Variants in GSE1 observed in about 807,000 individuals in gnomAD.
The protein encoded by GSE1 is genetic suppressor element 1.
A neutral mutation model predicts 112.6 loss-of-function variants in GSE1; 32 were observed. That is an observed-to-expected ratio of 0.28 (90% confidence interval 0.21 to 0.38). The LOEUF (loss-of-function observed/expected upper bound fraction) is 0.38, where lower values mean the gene tolerates loss of function less well. Among genes scored for constraint, GSE1 ranks in the 10% least tolerant of loss-of-function variants. The pLI, the probability that GSE1 is intolerant of heterozygous loss-of-function variation, is 1.00. For synonymous variants in GSE1, 1,115 were observed against 735.6 expected, an observed-to-expected ratio of 1.52 and a Z score of -8.35; for missense variants, 2,348 against 1,699.2, an observed-to-expected ratio of 1.38 and a Z score of -6.71.
At chr16:85,263,148 G>A (rs895100002) in intron 1 of GSE1, among the ~76,000 whole-genome samples, 8 of 152,194 alleles carry the variant, frequency 5.3e-5, no homozygotes, top group South Asian at 2.1e-4. Flanking sequence ...TGGAGAGTGC[G>A]GGAGGGAAGA....
intron 1 of GSE1, among the ~76,000 whole-genome samples, chr16:85,239,274 TG>T (rs980972476): frequency 2.5e-4 from 38 of 152,200 alleles, no homozygotes; most frequent in African/African-American, 8.9e-4. Flanking sequence ...AAGGTGTTAA[TG>T]GGGGCGGTGG....
chr16:85,436,493 G>A (rs555212773), intron 2 of GSE1, among the ~76,000 whole-genome samples: 2 of 152,350 alleles, frequency 1.3e-5, no homozygotes, highest in East Asian at 3.9e-4. Context: ...GTAACTCTTA[G>A]CCTAGAATGC....
At chr16:85,499,273 A>G (rs1217576800) in intron 2 of GSE1, among the ~76,000 whole-genome samples, 1 of 146,018 alleles carries the variant, frequency 6.8e-6, no homozygotes, top group African/African-American at 2.5e-5. Context: ...GCCAGCTGTC[A>G]GAGAGAAGGC....
chr16:85,569,665 C>T (rs2045900738), intron 1 of GSE1, among the ~76,000 whole-genome samples: 1 of 152,242 alleles, frequency 6.6e-6, no homozygotes, highest in Non-Finnish European at 1.5e-5. Context: ...GACTCCCTAG[C>T]TCAGTGCCAG....
intron 2 of GSE1, among the ~76,000 whole-genome samples, chr16:85,550,351 A>T (rs540235288): frequency 2.1e-4 from 32 of 152,152 alleles, no homozygotes; most frequent in African/African-American, 6.7e-4. Flanking sequence ...ACTCATGGTG[A>T]CCTTGAACCA....
At chr16:85,184,223 T>A (rs2074653978) in intron 1 of GSE1, among the ~76,000 whole-genome samples, 1 of 152,212 alleles carries the variant, frequency 6.6e-6, no homozygotes, top group Admixed American at 6.5e-5. Flanking sequence ...CAGGCCTGTC[T>A]TTTTGTTGTT....
Position 85,671,182 on chromosome 16 carries a change from G to C in GSE1, c.3519+84G>C, listed in dbSNP as rs567784794. On this transcript the variant is annotated intron_variant, in intron 15 of 15. Coordinates refer to ENST00000253458, the MANE Select transcript of GSE1 (RefSeq NM_014615.5). ...AACACCCATGCAGATAAGTTTCAGA[G>C]AGGAAATGTGCTCTTAAGAGATCAA... 6 of 784,552 alleles carry C rather than the reference G, an allele frequency of 7.6e-6. No individual in the cohort carries two copies. The South Asian group carries it at 9.1e-5, about 12-fold the overall frequency. The allele number at this position is 784,552 out of a possible 1,614,324, so 48.6% of individuals were successfully genotyped here.
intron 1 of GSE1, among the ~76,000 whole-genome samples, chr16:85,216,977 T>C (rs1032193516): frequency 6.6e-6 from 1 of 152,220 alleles, no homozygotes; most frequent in African/African-American, 2.4e-5. Flanking sequence ...AAGCCCCTGA[T>C]GCTTGTGTGG....
intron 1 of GSE1, among the ~76,000 whole-genome samples, chr16:85,617,543 C>G (rs1364040847): frequency 7.0e-6 from 1 of 143,274 alleles, no homozygotes; most frequent in Non-Finnish European, 1.5e-5. Context: ...TACTGCCAGG[C>G]AGTTCAGGCC....
intron 1 of GSE1, among the ~76,000 whole-genome samples, chr16:85,337,847 A>G (rs1410748621): frequency 1.3e-5 from 2 of 152,244 alleles, no homozygotes; most frequent in Non-Finnish European, 2.9e-5. Context: ...CGGCGCCGTC[A>G]GTGTTCTCAT....
rs368315731 is a variant in GSE1 at position 85,453,462 on chromosome 16, T to A, written c.2464+95819T>A. ...GGGAGGGTTGGGGTATGGGGCTGCTTGTGGGGGCTGGGTCCCAGCTTAGGT... is the reference window on the plus strand; with the variant it reads ...GGGAGGGTTGGGGTATGGGGCTGCTAGTGGGGGCTGGGTCCCAGCTTAGGT... On this transcript the variant is annotated intron_variant, in intron 2 of 2. Coordinates refer to the GSE1 transcript ENST00000637419. 1.4e-4 allele frequency among the ~76,000 whole-genome samples: 22 copies of A among 152,060 alleles called. No individual in the cohort carries two copies. The East Asian group carries it at 4.1e-3, about 28-fold the overall frequency.
At chr16:85,577,743 C>T (rs2046286883) in intron 1 of GSE1, among the ~76,000 whole-genome samples, 1 of 152,196 alleles carries the variant, frequency 6.6e-6, no homozygotes, top group African/African-American at 2.4e-5. Flanking sequence ...TTCTTTCTAC[C>T]CTTGCCCAGG....
At chr16:85,172,610 G>A (rs1006327386) in intron 1 of GSE1, among the ~76,000 whole-genome samples, 4 of 152,264 alleles carry the variant, frequency 2.6e-5, no homozygotes, top group Non-Finnish European at 4.4e-5. Context: ...AGATGTAGGC[G>A]TCTGTGAGTG....
intron 2 of GSE1, among the ~76,000 whole-genome samples, chr16:85,493,095 A>G (rs1800328110): frequency 6.6e-6 from 1 of 152,116 alleles, no homozygotes; most frequent in African/African-American, 2.4e-5. Flanking sequence ...AGAGGCCTGG[A>G]GGAAGGGAGC....
At chr16:85,439,751 GCACA>G (rs142126117) in intron 2 of GSE1, among the ~76,000 whole-genome samples, 2 of 151,808 alleles carry the variant, frequency 1.3e-5, no homozygotes, top group East Asian at 1.9e-4. Context: ...CCACATGCAT[GCACA>G]CACACAGACA....
intron 2 of GSE1, among the ~76,000 whole-genome samples, chr16:85,483,765 C>T (rs901457275): frequency 3.3e-5 from 5 of 152,362 alleles, no homozygotes; most frequent in African/African-American, 9.6e-5. Context: ...CGGTGCTTGC[C>T]GCCGGGATGC....
At chr16:85,274,549 C>G (rs939719578) in intron 1 of GSE1, among the ~76,000 whole-genome samples, 2 of 152,204 alleles carry the variant, frequency 1.3e-5, no homozygotes, top group Non-Finnish European at 2.9e-5. Context: ...GGAATGGCCT[C>G]AGGAGTGTGA....
At chr16:85,572,464 A>AAC (rs112181400) in intron 1 of GSE1, among the ~76,000 whole-genome samples, 6 of 148,182 alleles carry the variant, frequency 4.0e-5, no homozygotes, top group South Asian at 2.1e-4. Flanking sequence ...CCACACACAC[A>AAC]ACACACATCA....
intron 2 of GSE1, among the ~76,000 whole-genome samples, chr16:85,495,309 G>A (rs967638202): frequency 6.6e-6 from 1 of 152,184 alleles, no homozygotes; most frequent in African/African-American, 2.4e-5. Context: ...CACTGGAGTG[G>A]GAGTCCCGGC....
Sources: allele counts gnomAD v4.1 joint callset (sites outside exome capture counted in the v4.1 genomes callset), GRCh38; gene constraint gnomAD v4.1.1; transcripts MANE v1.5; gene names NCBI Gene and HGNC (gene_info 2026-07-23, HGNC 2026-07-21).